Variants in MBTPS1 observed in about 807,000 individuals in gnomAD.
MBTPS1 encodes membrane bound transcription factor peptidase, site 1, also known as membrane-bound transcription factor site-1 protease.
MBTPS1 carries 94 observed loss-of-function variants against 127.8 expected under a neutral mutation model. The observed-to-expected ratio is 0.74, with a 90% confidence interval of 0.62 to 0.87. The LOEUF is 0.87. Among genes scored for constraint, MBTPS1 ranks in the 40% least tolerant of loss-of-function variants. MBTPS1 has a pLI of 0.00. For synonymous variants in MBTPS1, 632 were observed against 509.4 expected (o/e 1.24, Z -3.24); for missense variants, 1,636 against 1,353.2 (o/e 1.21, Z -3.28).
At chr16:84,073,990 G>C (rs937614567) in intron 12 of MBTPS1, among the ~76,000 whole-genome samples, 3 of 151,930 alleles carry the variant, frequency 2.0e-5, no homozygotes, top group African/African-American at 7.2e-5. Context: ...TGGGCAACAA[G>C]AGTGACACTC....
chr16:84,097,530 A>G (rs1466629582), intron 3 of MBTPS1, among the ~76,000 whole-genome samples: 2 of 152,232 alleles, frequency 1.3e-5, no homozygotes, highest in African/African-American at 2.4e-5. Flanking sequence ...GATGGTGTCC[A>G]TGGGAATCCC....
At chr16:84,075,555 G>A (rs991763426) in intron 11 of MBTPS1, 3 of 152,272 alleles carry the variant, frequency 2.0e-5, no homozygotes, top group African/African-American at 4.8e-5. Flanking sequence ...CCAGGCATAC[G>A]TGGATCCTGC....
At chr16:84,080,456 G>C (rs139690352) in intron 11 of MBTPS1, among the ~76,000 whole-genome samples, 1 of 152,216 alleles carries the variant, frequency 6.6e-6, no homozygotes, top group African/African-American at 2.4e-5. Context: ...AAGGAAACAC[G>C]GGCTGCACAG....
chr16:84,107,898 G>T (rs1352936406), intron 1 of MBTPS1, among the ~76,000 whole-genome samples: 1 of 150,166 alleles, frequency 6.7e-6, no homozygotes, highest in Non-Finnish European at 1.5e-5. Flanking sequence ...AGAGATGGGG[G>T]TCTCACCTTG....
intron 19 of MBTPS1, among the ~76,000 whole-genome samples, chr16:84,062,022 G>T (rs1472631439): frequency 6.6e-6 from 1 of 152,294 alleles, no homozygotes; most frequent in East Asian, 1.9e-4. Context: ...ATTTAATAAA[G>T]ACTCTTACCA....
intron 3 of MBTPS1, among the ~76,000 whole-genome samples, chr16:84,097,946 T>C (rs1256418367): frequency 1.3e-5 from 2 of 151,886 alleles, no homozygotes; most frequent in African/African-American, 4.8e-5. Flanking sequence ...AAGAGTAAAA[T>C]TTTAATTTCT....
Position 84,087,465 on chromosome 16 carries a change from A to C in MBTPS1, c.1032-5T>G. 6.5e-6 allele frequency: 9 copies of C among 1,383,576 alleles called. No homozygotes were observed. Among genetic ancestry groups the C allele is most frequent in the Non-Finnish European group, 8.9e-6 (9 of 1,012,900 alleles). 85.7% of individuals were successfully genotyped at this position (1,383,576 alleles called of 1,614,324 possible). ...TCAGCAGGGTTATTCAGAGTGCTATATTGAGACCAAAAAAAAAAAAAAAGA... is the reference window on the plus strand; with the variant it reads ...TCAGCAGGGTTATTCAGAGTGCTATCTTGAGACCAAAAAAAAAAAAAAAGA... On this transcript the variant is annotated splice_region_variant and splice_polypyrimidine_tract_variant and intron_variant, in intron 8 of 22. Coordinates refer to ENST00000343411, the MANE Select transcript of MBTPS1 (RefSeq NM_003791.4).
intron 2 of MBTPS1, among the ~76,000 whole-genome samples, chr16:84,101,316 A>G (rs1319691186): frequency 6.6e-6 from 1 of 151,866 alleles, no homozygotes; most frequent in African/African-American, 2.4e-5. Context: ...AAAACAAAAC[A>G]AAACAGAACA....
Position 84,085,054 on chromosome 16 carries a change from C to A in MBTPS1, c.1215G>T (p.Gly405=), listed in dbSNP as rs372146681. 1.2e-6 allele frequency: 2 copies of A among 1,614,150 alleles called. No homozygotes were observed. The highest frequency in any genetic ancestry group is 1.7e-6 in the Non-Finnish European group (2 of 1,180,020). The change falls in exon 10 of 23, where the codon GGG becomes GGT. Residue 405 remains glycine (G), a synonymous_variant. Transcript: ENST00000343411. ...GAGVRGSGVK[G]GCRALSGTSV... is the part of the protein sequence containing the mutation. ...TGGTCCCTGAGAGGGCCCGGCACCC[C>A]CCTTTCACGCCAGAACCCCGCACGC...
intron 18 of MBTPS1, 131 bp from the exon 19 acceptor site, chr16:84,063,576 T>G: frequency 1.2e-6 from 1 of 849,900 alleles, no homozygotes; most frequent in Non-Finnish European, 1.8e-6. Context: ...ACATTGCAAA[T>G]TTTTAGAATA....
chr16:84,059,253 G>A (rs1285149195), intron 21 of MBTPS1, 49 bp downstream of exon 21: 1 of 1,568,316 alleles, frequency 6.4e-7, no homozygotes, highest in Non-Finnish European at 8.7e-7. Context: ...GAAAAGCAAT[G>A]ACTCACAAGC....
intron 20 of MBTPS1, 72 bp from the exon 21 acceptor site, chr16:84,059,500 C>G: frequency 7.0e-7 from 1 of 1,430,044 alleles, no homozygotes; most frequent in Non-Finnish European, 9.7e-7. Context: ...AAAAGGAGGG[C>G]CTTATTATGA....
chr16:84,073,290 C>A (rs944556347), intron 12 of MBTPS1, among the ~76,000 whole-genome samples: 5 of 152,074 alleles, frequency 3.3e-5, no homozygotes, highest in Admixed American at 3.3e-4. Context: ...TGTGTCACCA[C>A]GCCCAGCTGA....
chr16:84,114,005 G>A (rs1031720350), intron 1 of MBTPS1, among the ~76,000 whole-genome samples: 3 of 138,028 alleles, frequency 2.2e-5, no homozygotes, highest in African/African-American at 8.2e-5. Flanking sequence ...TCGCTCTGCC[G>A]CCAGGGTGGA....
intron 8 of MBTPS1, among the ~76,000 whole-genome samples, chr16:84,088,966 C>G (rs1333742072): frequency 6.6e-6 from 1 of 152,236 alleles, no homozygotes; most frequent in Non-Finnish European, 1.5e-5. Flanking sequence ...TCTGCTCCTT[C>G]AACACACCAT....
intron 11 of MBTPS1, 137 bp downstream of exon 11, chr16:84,081,610 A>C (rs944211990): frequency 3.2e-6 from 2 of 631,706 alleles, no homozygotes; most frequent in Non-Finnish European, 4.7e-6. Context: ...AGCAGCAGCA[A>C]AACCTCTCCA....
At chr16:84,097,607 A>G (rs1035365305) in intron 3 of MBTPS1, among the ~76,000 whole-genome samples, 2 of 152,208 alleles carry the variant, frequency 1.3e-5, no homozygotes, top group Non-Finnish European at 2.9e-5. Flanking sequence ...AGCATTCTAG[A>G]GCTCTTTAAG....
In MBTPS1 at chr16:84,091,060, C is replaced by T. The variant is rs147521347; in HGVS notation, c.964-118G>A. ...ACAGTTCTAAAAAAGCAGCACTGGC[C>T]CATTATAAAGGCGGATGTGCTGGCA... On this transcript the variant is annotated intron_variant, in intron 7 of 22. Coordinates refer to ENST00000343411, the MANE Select transcript of MBTPS1 (RefSeq NM_003791.4). The T allele has an allele frequency of 1.0e-3, 821 of 800,120 alleles. 5 individuals carry two copies. The African/African-American group carries it at 0.013, about 13-fold the overall frequency. The allele number at this position is 800,120 out of a possible 1,614,324, so 49.6% of individuals were successfully genotyped here.
In MBTPS1 at chr16:84,054,367, C is replaced by A; in HGVS notation, c.*82G>T. On this transcript the variant is annotated 3_prime_UTR_variant, in exon 23 of 23. Transcript: ENST00000343411. ...GCTGGAAACTGGATCCCTTTTAAAC[C>A]AGCCGCCACCACAGCTCGGCTCACC... The A allele has an allele frequency of 7.6e-7, 1 of 1,317,786 alleles. No homozygotes were observed. The highest frequency in any genetic ancestry group is 1.0e-6 in the Non-Finnish European group (1 of 982,082). The allele number at this position is 1,317,786 out of a possible 1,614,324, so 81.6% of individuals were successfully genotyped here. A position where few individuals can be genotyped will look rare whatever the true frequency, so the allele number is the denominator to read the frequency against.
Sources: allele counts gnomAD v4.1 joint callset (sites outside exome capture counted in the v4.1 genomes callset), GRCh38; gene constraint gnomAD v4.1.1; transcripts MANE v1.5; gene names NCBI Gene and HGNC (gene_info 2026-07-23, HGNC 2026-07-21).